The following FLG variants were observed in gnomAD, a reference collection of about 807,000 sequenced individuals.
FLG encodes the protein filaggrin.
FLG carries 6 observed loss-of-function variants against 3.8 expected under a neutral mutation model. That is an observed-to-expected ratio of 1.60 (90% CI 0.87 to 3.15). The LOEUF (loss-of-function observed/expected upper bound fraction) is 3.15, where lower values mean the gene tolerates loss of function less well. Among genes scored for constraint, FLG ranks in the 30% most tolerant of loss-of-function variants. The pLI is 0.00. For synonymous variants in FLG, 2,551 were observed against 1,931.6 expected, an observed-to-expected ratio of 1.32 and a Z score of -8.41; for missense variants, 7,595 against 5,050.9, an observed-to-expected ratio of 1.50 and a Z score of -15.27.
In FLG at chr1:152,314,754, A is replaced by T; in HGVS notation, c.139-7T>A. The T allele has an allele frequency of 6.2e-7, 1 of 1,613,974 alleles. No individual in the cohort carries two copies. The highest frequency in any genetic ancestry group is 8.5e-7 in the Non-Finnish European group (1 of 1,179,846). On this transcript the variant is annotated splice_region_variant and splice_polypyrimidine_tract_variant and intron_variant, in intron 2 of 2. Transcript: ENST00000368799. The stretch of plus-strand genomic sequence containing the variant: ...TATCTGGGTCATCTGGATTCTGTAC[A>T]GAGGGAAGTCACAGAGGGAGACTGC...
In FLG at chr1:152,307,466, G is replaced by T. The variant is rs1652052285; in HGVS notation, c.7420C>A (p.Gln2474Lys). The change falls in exon 3 of 3, where the codon CAG becomes AAG. Residue 2474 changes from glutamine (Q) to lysine (K), a missense_variant. Gln to Lys is a moderately conservative substitution (Grantham distance 53). Coordinates refer to ENST00000368799, the MANE Select transcript of FLG (RefSeq NM_002016.2). ...GHPGSSSGGRQGSHYEQLVDR... is the reference protein window; with the variant it reads ...GHPGSSSGGRKGSHYEQLVDR... ...ACCAATTGCTCGTAGTGGGATCCCT[G>T]CCTTCCTCCACTGCTTGACCCCGGG... 1 of 1,613,246 alleles carries T rather than the reference G, an allele frequency of 6.2e-7. No homozygotes were observed.
chr1:152,302,606 G>T lies in FLG; in HGVS notation c.*94C>A, dbSNP rs973027997. 4 of 1,504,900 alleles carry T rather than the reference G, an allele frequency of 2.7e-6. No homozygotes were observed. Among genetic ancestry groups the T allele is most frequent in the Admixed American group, 4.1e-5 (2 of 49,152 alleles). The allele number at this position is 1,504,900 out of a possible 1,614,324, so 93.2% of individuals were successfully genotyped here. A position where few individuals can be genotyped will look rare whatever the true frequency, so the allele number is the denominator to read the frequency against. ...TATTTTAAACAGATTGACAGGAAAA[G>T]ATAACTTCCCTGAAAGTATTATGAA... On this transcript the variant is annotated 3_prime_UTR_variant, in exon 3 of 3. Transcript: ENST00000368799.
rs1652711656 is a variant in FLG, at chr1:152,314,688, G to A, written c.198C>T (p.Asn66=). 1.9e-6 allele frequency: 3 copies of A among 1,613,760 alleles called. No individual in the cohort carries two copies. The highest frequency in any genetic ancestry group is 2.2e-5 in the South Asian group (2 of 91,086). The change falls in exon 3 of 3, where the codon AAC becomes AAT. Residue 66 remains asparagine, a synonymous_variant. Transcript: ENST00000368799. ...VFMDHLDIDH[N]KKIDFTEFLL... ...GAAACTCAGTGAAGTCAATTTTCTT[G>A]TTGTGGTCTATATCCAAGTGATCCA...
intron 1 of FLG, among the ~76,000 whole-genome samples, chr1:152,317,585 G>A (rs370976072): frequency 1.3e-5 from 2 of 151,768 alleles, no homozygotes; most frequent in Admixed American, 1.3e-4. Flanking sequence ...TAGCCTCCTC[G>A]TTCAGCTCCT....
Position 152,308,799 on chromosome 1 carries a change from A to G in FLG, c.6087T>C (p.Ser2029=), listed in dbSNP as rs1238779090. Residue 2029 remains serine (S), a synonymous_variant, in exon 3 of 3, where the codon TCT becomes TCC. Coordinates refer to ENST00000368799, the MANE Select transcript of FLG (RefSeq NM_002016.2). ...HSGIGHGQAS[S]AVRDSGHRGY... is the part of the protein sequence containing the mutation. Reference sequence around the variant, plus strand: ...CTCGGTGTCCACTGTCTCTGACTGCAGATGAAGCTTGTCCATGCCCAATGC... The same window carrying G: ...CTCGGTGTCCACTGTCTCTGACTGCGGATGAAGCTTGTCCATGCCCAATGC... The G allele has an allele frequency of 1.9e-6, 3 of 1,614,132 alleles. No homozygotes were observed. Among genetic ancestry groups the G allele is most frequent in the South Asian group, 1.1e-5 (1 of 91,080 alleles).
In FLG at chr1:152,307,317, T is replaced by C; in HGVS notation, c.7569A>G (p.Ser2523=). 1 of 1,613,614 alleles carries C rather than the reference T, an allele frequency of 6.2e-7. No individual in the cohort carries two copies. The highest frequency in any genetic ancestry group is 8.5e-7 in the Non-Finnish European group (1 of 1,179,950). ...ASRQTRNDEQ[S]GDGSRHSGSR... ...ACCCTGAGTGCCTGGAGCCGTCTCC[T>C]GATTGTTCATCGTTACGAGTTTGTC... Residue 2523 remains serine (S), a synonymous_variant, in exon 3 of 3, where the codon TCA becomes TCG. Transcript: ENST00000368799.
At position 152,313,126 on chromosome 1, in the gene FLG, C is replaced by G; in HGVS notation, c.1760G>C (p.Arg587Pro). Residue 587 changes from arginine to proline, a missense_variant, in exon 3 of 3, where the codon CGT (arginine) becomes CCT (proline). Arg to Pro is a moderately radical substitution (Grantham distance 103). Transcript: ENST00000368799. ...AGCCTGAGAGGAAGCTTCATGATGA[C>G]GTGACCCTGAGTGCCTGGTGCCGTC... ...SGDGTRHSGS[R>P]HHEASSQADS... 6.2e-7 allele frequency: 1 copy of G among 1,613,812 alleles called. No homozygotes were observed. Among genetic ancestry groups the G allele is most frequent in the Non-Finnish European group, 8.5e-7 (1 of 1,179,986 alleles).
At position 152,312,988 on chromosome 1, in the gene FLG, T is replaced by C. The variant is rs1445248359; in HGVS notation, c.1898A>G (p.Asp633Gly). 6.2e-7 allele frequency: 1 copy of C among 1,613,720 alleles called. No individual in the cohort carries two copies. The highest frequency in any genetic ancestry group is 1.1e-5 in the South Asian group (1 of 91,062). Residue 633 changes from aspartate (D) to glycine (G), a missense_variant, in exon 3 of 3, where the codon GAC becomes GGC. Coordinates refer to ENST00000368799, the MANE Select transcript of FLG (RefSeq NM_002016.2). ...QDSDSQGHSE[D>G]SERWSGSASR... ...AGCAGACCCAGACCACCTCTCAGAG[T>C]CTTCTGAGTGTCCCTGACTGTCACT...
rs775680050 is a variant in FLG at position 152,313,495 on chromosome 1, C to G, written c.1391G>C (p.Arg464Pro). 1 of 1,613,926 alleles carries G rather than the reference C, an allele frequency of 6.2e-7. No individual in the cohort carries two copies. The highest frequency in any genetic ancestry group is 8.5e-7 in the Non-Finnish European group (1 of 1,179,996). The change falls in exon 3 of 3, where the codon CGT (arginine) becomes CCT (proline). Residue 464 changes from arginine to proline, a missense_variant. Arg to Pro is a moderately radical substitution (Grantham distance 103). Coordinates refer to ENST00000368799, the MANE Select transcript of FLG (RefSeq NM_002016.2). ...TRGRSGERSG[R>P]SGSSLYQVST... ...CACCTGGTAGAGGGAAGACCCTGAA[C>G]GTCCAGACCGTTCCCCTGACCGGCC...
At position 152,315,407 on chromosome 1, in the gene FLG, T is replaced by G; in HGVS notation, c.50A>C (p.Gln17Pro). The change falls in exon 2 of 3, where the codon CAA (glutamine) becomes CCA (proline). Residue 17 changes from glutamine (Q) to proline (P), a missense_variant. Physicochemically the swap from Gln to Pro is moderately conservative, Grantham distance 76. Coordinates refer to ENST00000368799, the MANE Select transcript of FLG (RefSeq NM_002016.2). ...AGTGTTTTTATCTTTTTTTGAATAT[T>G]GCTTGAAAAGATTAATTATGGCAAA... ...NIFAIINLFKQYSKKDKNTDT... is the reference protein window; with the variant it reads ...NIFAIINLFKPYSKKDKNTDT... 6.2e-7 allele frequency: 1 copy of G among 1,612,200 alleles called. No individual in the cohort carries two copies.
At position 152,311,405 on chromosome 1, in the gene FLG, C is replaced by A; in HGVS notation, c.3481G>T (p.Gly1161Cys). Residue 1161 changes from glycine (G) to cysteine (C), a missense_variant, in exon 3 of 3, where the codon GGT becomes TGT. Gly to Cys is a radical substitution (Grantham distance 159, BLOSUM62 -3). Coordinates refer to ENST00000368799, the MANE Select transcript of FLG (RefSeq NM_002016.2). ...DSSRHSASQE[G>C]QDTIRAHPGS... ...GGGTGTGCACGAATGGTGTCCTGAC[C>A]CTCTTGGGACGCTGAGTGCCTGGAG... is the stretch of plus-strand genomic sequence containing the variant. The A allele has an allele frequency of 1.2e-6, 2 of 1,613,410 alleles. No homozygotes were observed. The highest frequency in any genetic ancestry group is 1.7e-6 in the Non-Finnish European group (2 of 1,179,844).
Position 152,314,465 on chromosome 1 carries a change from A to G in FLG, c.421T>C (p.Ser141Pro). ...RNNRKGNKGRSKSPRETGGKR... is the reference protein window; with the variant it reads ...RNNRKGNKGRPKSPRETGGKR... ...CCCCCTGTTTCTCTTGGGCTCTTGG[A>G]TCTTCCCTTATTCCCTTTTCTATTG... The change falls in exon 3 of 3, where the codon TCC (serine) becomes CCC (proline). Residue 141 changes from serine (S) to proline (P), a missense_variant. Coordinates refer to ENST00000368799, the MANE Select transcript of FLG (RefSeq NM_002016.2). The G allele has an allele frequency of 6.2e-7, 1 of 1,610,866 alleles. No individual in the cohort carries two copies. Among genetic ancestry groups the G allele is most frequent in the Non-Finnish European group, 8.5e-7 (1 of 1,179,232 alleles).
Position 152,305,100 on chromosome 1 carries a change from G to A in FLG, c.9786C>T (p.Ala3262=), listed in dbSNP as rs568676487. Residue 3262 remains alanine (A), a synonymous_variant, in exon 3 of 3, where the codon GCC becomes GCT. Coordinates refer to ENST00000368799, the MANE Select transcript of FLG (RefSeq NM_002016.2). ...AGCGGTCTGCAGAGTGCCCGTGACCGGCTCTGTCTTCGTGATGGGACCTGG... is the reference window on the plus strand; with the variant it reads ...AGCGGTCTGCAGAGTGCCCGTGACCAGCTCTGTCTTCGTGATGGGACCTGG... ...RHPRSHHEDR[A]GHGHSADRSR... 178 of 1,613,192 alleles carry A rather than the reference G, an allele frequency of 1.1e-4. 2 individuals are homozygous for A. The highest frequency in any genetic ancestry group is 1.4e-4 in the Non-Finnish European group (160 of 1,179,354).
Position 152,305,493 on chromosome 1 carries a change from A to C in FLG, c.9393T>G (p.Asp3131Glu). ...RQGYHHEHSV[D>E]SSGHSGSHHS... ...GATGGGACCCTGAGTGTCCAGAGCT[A>C]TCTACCGAATGCTCGTGGTGGTACC... The change falls in exon 3 of 3, where the codon GAT (aspartate) becomes GAG (glutamate). Residue 3131 changes from aspartate to glutamate, a missense_variant. By Grantham distance (45) the Asp-to-Glu change is conservative (BLOSUM62 2). Transcript: ENST00000368799. The C allele has an allele frequency of 6.4e-7, 1 of 1,573,014 alleles. No homozygotes were observed. Among genetic ancestry groups the C allele is most frequent in the Non-Finnish European group, 8.6e-7 (1 of 1,166,004 alleles).
Position 152,303,221 on chromosome 1 carries a change from C to A in FLG, c.11665G>T (p.Gly3889Ter). 1 of 1,614,066 alleles carries A rather than the reference C, an allele frequency of 6.2e-7. No individual in the cohort carries two copies. The change falls in exon 3 of 3, where the codon GGA (glycine) becomes TGA (stop). Residue 3889 changes from glycine to a stop codon, truncating the protein, a stop_gained. Coordinates refer to ENST00000368799, the MANE Select transcript of FLG (RefSeq NM_002016.2). LOFTEE classifies it low-confidence loss of function (END_TRUNC). ...RSESASRNHH[G>*]SSREQSRDGS... ...TCTCTTGACTGCTCCCGAGAAGATC[C>A]ATGATGGTTTCTGGAAGCAGACTCA...
chr1:152,305,253 C>G lies in FLG; in HGVS notation c.9633G>C (p.Gln3211His). The G allele has an allele frequency of 6.2e-7, 1 of 1,612,682 alleles. No homozygotes were observed. The highest frequency in any genetic ancestry group is 1.1e-5 in the South Asian group (1 of 90,882). The stretch of plus-strand genomic sequence containing the variant: ...CACTGTCCTGGCTCACACTGGATCC[C>G]TGGCGCCTGCTTCTCCTGGACCCCT... ...QSEGSRRSRR[Q>H]GSSVSQDSDS... is the part of the protein sequence containing the mutation. Residue 3211 changes from glutamine to histidine, a missense_variant, in exon 3 of 3, where the codon CAG becomes CAC. Coordinates refer to ENST00000368799, the MANE Select transcript of FLG (RefSeq NM_002016.2).
chr1:152,310,271 T>C lies in FLG; in HGVS notation c.4615A>G (p.Ser1539Gly). Residue 1539 changes from serine (S) to glycine (G), a missense_variant, in exon 3 of 3, where the codon AGT (serine) becomes GGT (glycine). Transcript: ENST00000368799. ...TCATTTCTTGTTTGCCTGCTTGCAC[T>C]TCTGGGTCCTGACTGCCCATGGGAG... ...DASHGQSGPR[S>G]ASRQTRNEEQ... 1 of 1,613,896 alleles carries C rather than the reference T, an allele frequency of 6.2e-7. No homozygotes were observed. The highest frequency in any genetic ancestry group is 8.5e-7 in the Non-Finnish European group (1 of 1,179,976).
rs189114758 is a variant in FLG at position 152,313,669 on chromosome 1, G to A, written c.1217C>T (p.Ser406Leu). 166 of 1,614,006 alleles carry A rather than the reference G, an allele frequency of 1.0e-4. 1 individual carries two copies. In the Middle Eastern group the frequency reaches 4.3e-3, roughly 42 times the overall value. ...GTGTCCACGATCGCTGACTGCAGAT[G>A]AAGCTTGCCCGCGCCCAGTGGCTGA... ...RHSATGRGQA[S>L]SAVSDRGHRG... is the part of the protein sequence containing the mutation. The change falls in exon 3 of 3, where the codon TCA becomes TTA. Residue 406 changes from serine (S) to leucine (L), a missense_variant. Coordinates refer to ENST00000368799, the MANE Select transcript of FLG (RefSeq NM_002016.2).
chr1:152,310,483 G>A lies in FLG; in HGVS notation c.4403C>T (p.Ser1468Phe). 4 of 1,613,814 alleles carry A rather than the reference G, an allele frequency of 2.5e-6. No homozygotes were observed. The highest frequency in any genetic ancestry group is 3.3e-5 in the Admixed American group (2 of 59,996). The part of the protein sequence containing the change: ...TAPSTGGRQG[S>F]RHEQARNSSR... ...GCTGTTTCGTGCCTGCTCATGGCGGGATCCTTGTCTTCCTCCAGTGCTGGG... is the reference window on the plus strand; with the variant it reads ...GCTGTTTCGTGCCTGCTCATGGCGGAATCCTTGTCTTCCTCCAGTGCTGGG... The change falls in exon 3 of 3, where the codon TCC (serine) becomes TTC (phenylalanine). Residue 1468 changes from serine to phenylalanine, a missense_variant. Physicochemically the swap from Ser to Phe is radical, Grantham distance 155. Transcript: ENST00000368799.
Sources: allele counts gnomAD v4.1 joint callset (sites outside exome capture counted in the v4.1 genomes callset), GRCh38; gene constraint gnomAD v4.1.1; transcripts MANE v1.5; gene names NCBI Gene and HGNC (gene_info 2026-07-23, HGNC 2026-07-21).